LYPD1: variants seen among roughly 807,000 people sequenced by gnomAD.
The protein encoded by LYPD1 is LY6/PLAUR domain containing 1, also known as ly6/PLAUR domain-containing protein 1.
LYPD1 carries 14 observed loss-of-function variants against 14.2 expected under a neutral mutation model. The observed-to-expected ratio is 0.99, with a 90% CI of 0.65 to 1.54. LYPD1 has a LOEUF of 1.54. LYPD1 is among the 40% of genes most tolerant of loss of function. LYPD1 has a pLI of 0.00. For missense variants in LYPD1, 165 were observed against 175.7 expected, an observed-to-expected ratio of 0.94 and a Z score of 0.34; for synonymous variants, 85 against 70.6, an observed-to-expected ratio of 1.20 and a Z score of -1.02.
rs900249372 is a variant in LYPD1 at position 132,668,272 on chromosome 2, A to G, written c.190+128T>C. 69 of 1,221,824 alleles carry G rather than the reference A, an allele frequency of 5.6e-5. No individual in the cohort carries two copies. In the Middle Eastern group the frequency reaches 8.2e-4, roughly 15 times the overall value. The allele number at this position is 1,221,824 out of a possible 1,614,324, so 75.7% of individuals were successfully genotyped here. ...TTCATTTTCCCAGCACTGTAAAACTAAATCTGCGATAACCAGTGTGTGGGC... is the reference window on the plus strand; with the variant it reads ...TTCATTTTCCCAGCACTGTAAAACTGAATCTGCGATAACCAGTGTGTGGGC... On this transcript the variant is annotated intron_variant, in intron 2 of 2. Coordinates refer to ENST00000397463, the MANE Select transcript of LYPD1 (RefSeq NM_144586.7).
At chr2:132,662,544 A>T (rs1683011805) in intron 2 of LYPD1, among the ~76,000 whole-genome samples, 1 of 145,354 alleles carries the variant, frequency 6.9e-6, no homozygotes, top group Non-Finnish European at 1.5e-5. Flanking sequence ...TTTGGACATT[A>T]GAACCTAAGT....
chr2:132,645,373 C>T lies in LYPD1; in HGVS notation c.*672G>A. On this transcript the variant is annotated 3_prime_UTR_variant, in exon 3 of 3. Coordinates refer to ENST00000397463, the MANE Select transcript of LYPD1 (RefSeq NM_144586.7). ...CAACCACGAGAAGCGCCTGCGCGTACATGCGCACTCCACCACCGACAGCGC... is the reference window on the plus strand; with the variant it reads ...CAACCACGAGAAGCGCCTGCGCGTATATGCGCACTCCACCACCGACAGCGC... 2 of 1,613,918 alleles carry T rather than the reference C, an allele frequency of 1.2e-6. No homozygotes were observed. The highest frequency in any genetic ancestry group is 4.5e-5 in the East Asian group (2 of 44,884).
chr2:132,650,546 A>G (rs573778329), intron 2 of LYPD1, among the ~76,000 whole-genome samples: 3 of 152,312 alleles, frequency 2.0e-5, no homozygotes, highest in African/African-American at 7.2e-5. Context: ...TGGCAAAAGA[A>G]TAGACCATCA....
In LYPD1 at chr2:132,644,213, T is replaced by TAA. The variant is rs896853424; in HGVS notation, c.*1830_*1831dup. Among the ~76,000 whole-genome samples the TAA allele has an allele frequency of 1.3e-5, 2 of 152,208 alleles. No individual in the cohort carries two copies. Among genetic ancestry groups the TAA allele is most frequent in the Non-Finnish European group, 2.9e-5 (2 of 68,034 alleles). ...AATTGCAGAACTGGTGGTGGTTACT[T>TAA]AAGTTGGAATACAAATATGTGGGCA... On this transcript the variant is annotated 3_prime_UTR_variant, in exon 3 of 3. Transcript: ENST00000397463.
chr2:132,645,721 C>T lies in LYPD1; in HGVS notation c.*324G>A. On this transcript the variant is annotated 3_prime_UTR_variant, in exon 3 of 3. Coordinates refer to ENST00000397463, the MANE Select transcript of LYPD1 (RefSeq NM_144586.7). The stretch of plus-strand genomic sequence containing the variant: ...TCAGGGATGGAATGGACACTGGAGG[C>T]TTTACAAAAGGCAGATGCCCACCTC... 1 of 1,411,424 alleles carries T rather than the reference C, an allele frequency of 7.1e-7. No homozygotes were observed. The highest frequency in any genetic ancestry group is 2.3e-5 in the East Asian group (1 of 43,350). The allele number at this position is 1,411,424 out of a possible 1,614,324, so 87.4% of individuals were successfully genotyped here.
intron 1 of LYPD1, 52 bp from the exon 2 acceptor site, chr2:132,668,589 C>T (rs1313148772): frequency 1.9e-6 from 3 of 1,594,592 alleles, no homozygotes; most frequent in Admixed American, 3.5e-5. Context: ...GAGCCCACCC[C>T]GGAAATCACG....
chr2:132,649,457 G>A (rs548986955), intron 2 of LYPD1, among the ~76,000 whole-genome samples: 68 of 152,300 alleles, frequency 4.5e-4, no homozygotes, highest in African/African-American at 1.6e-3. Context: ...TTCATTGTAG[G>A]CACTTCAGCA....
intron 2 of LYPD1, among the ~76,000 whole-genome samples, chr2:132,664,114 C>T (rs1159592005): frequency 6.6e-6 from 1 of 151,966 alleles, no homozygotes; most frequent in Non-Finnish European, 1.5e-5. Flanking sequence ...CAAAAGAATA[C>T]AGGAATAAAG....
chr2:132,660,421 C>A (rs1480114179), intron 2 of LYPD1: 1 of 152,192 alleles, frequency 6.6e-6, no homozygotes, highest in African/African-American at 2.4e-5. Flanking sequence ...GTGTTGGAAG[C>A]AATCAGAAGA....
At chr2:132,648,241 TTTTC>T (rs1327429143) in intron 2 of LYPD1, among the ~76,000 whole-genome samples, 35 of 152,136 alleles carry the variant, frequency 2.3e-4, no homozygotes, top group African/African-American at 7.7e-4. Flanking sequence ...CAGTGACCTT[TTTTC>T]TTTAAGTGAA....
rs1439635936 is a variant in LYPD1 at position 132,644,545 on chromosome 2, C to T, written c.*1500G>A. 6.6e-6 allele frequency among the ~76,000 whole-genome samples: 1 copy of T among 152,188 alleles called. No individual in the cohort carries two copies. The highest frequency in any genetic ancestry group is 2.4e-5 in the African/African-American group (1 of 41,448). ...TCCAAAAAACATTCTTGGCGACAGG[C>T]TATTCCTGACTTTGCTTCCCCTGAA... On this transcript the variant is annotated 3_prime_UTR_variant, in exon 3 of 3. Transcript: ENST00000397463.
chr2:132,654,828 A>G (rs1325900445), intron 2 of LYPD1, among the ~76,000 whole-genome samples: 2 of 151,938 alleles, frequency 1.3e-5, no homozygotes, highest in African/African-American at 2.4e-5. Context: ...GGCTCACTGC[A>G]ACCTACACCT....
rs1681969450 is a variant in LYPD1 at position 132,644,886 on chromosome 2, A to G, written c.*1159T>C. Reference sequence around the variant, plus strand: ...TAAAGCATTTAATGGTCTTTCTTTAACACAGCCAACTCCCCCGGGTTTGAA... The same window carrying G: ...TAAAGCATTTAATGGTCTTTCTTTAGCACAGCCAACTCCCCCGGGTTTGAA... On this transcript the variant is annotated 3_prime_UTR_variant, in exon 3 of 3. Coordinates refer to ENST00000397463, the MANE Select transcript of LYPD1 (RefSeq NM_144586.7). The G allele has an allele frequency of 6.9e-6, 4 of 583,642 alleles. No homozygotes were observed. Among genetic ancestry groups the G allele is most frequent in the South Asian group, 6.6e-5 (3 of 45,566 alleles). 36.2% of individuals were successfully genotyped at this position (583,642 alleles called of 1,614,324 possible).
chr2:132,654,137 T>C (rs796799703), intron 2 of LYPD1, among the ~76,000 whole-genome samples: 2 of 152,362 alleles, frequency 1.3e-5, no homozygotes, highest in African/African-American at 4.8e-5. Context: ...GTTATGTAGA[T>C]TGTTAACACT....
intron 2 of LYPD1, among the ~76,000 whole-genome samples, chr2:132,660,062 G>T (rs538174896): frequency 1.3e-5 from 2 of 152,146 alleles, no homozygotes; most frequent in Non-Finnish European, 2.9e-5. Flanking sequence ...GCTGAGAGCC[G>T]CGTGCCTGGC....
In LYPD1 at chr2:132,669,754, G is replaced by A. The variant is rs1683532780; in HGVS notation, c.52+127C>T. 11 of 1,459,394 alleles carry A rather than the reference G, an allele frequency of 7.5e-6. No homozygotes were observed. Among genetic ancestry groups the A allele is most frequent in the Non-Finnish European group, 9.9e-6 (11 of 1,111,686 alleles). 90.4% of individuals were successfully genotyped at this position (1,459,394 alleles called of 1,614,324 possible). On this transcript the variant is annotated intron_variant, in intron 1 of 2. Coordinates refer to ENST00000397463, the MANE Select transcript of LYPD1 (RefSeq NM_144586.7). The surrounding 1 kb of genome is among the most constrained non-coding windows in gnomAD (Gnocchi z 4.3). ...GCGCCCCGGGGCACCAGTCGCGGCCGCCAACTCCCGCTGGGCAGCCCCAGC... is the reference window on the plus strand; with the variant it reads ...GCGCCCCGGGGCACCAGTCGCGGCCACCAACTCCCGCTGGGCAGCCCCAGC...
intron 2 of LYPD1, among the ~76,000 whole-genome samples, chr2:132,652,097 G>A (rs4954352): frequency 6.6e-6 from 1 of 151,998 alleles, no homozygotes; most frequent in Non-Finnish European, 1.5e-5. Flanking sequence ...TCATGACCAA[G>A]AACAGAGGGG....
At chr2:132,666,863 C>G (rs1683299209) in intron 2 of LYPD1, 2 of 152,334 alleles carry the variant, frequency 1.3e-5, no homozygotes, top group South Asian at 4.1e-4. Flanking sequence ...CCCAGGTAAG[C>G]AGTGGCCTTG....
At chr2:132,663,353 A>G (rs1683079384) in intron 2 of LYPD1, among the ~76,000 whole-genome samples, 1 of 152,176 alleles carries the variant, frequency 6.6e-6, no homozygotes, top group African/African-American at 2.4e-5. Context: ...AGCTCATTAC[A>G]ACCTCCACCT....
Sources: allele counts gnomAD v4.1 joint callset (sites outside exome capture counted in the v4.1 genomes callset), GRCh38; gene constraint gnomAD v4.1.1; non-coding constraint Gnocchi (gnomAD v3.1); transcripts MANE v1.5; gene names NCBI Gene and HGNC (gene_info 2026-07-23, HGNC 2026-07-21).